The following TMEM135 variants were observed in gnomAD, a reference collection of about 807,000 sequenced individuals.
The protein encoded by TMEM135 is transmembrane protein 135, also known as peroxisomal membrane protein 52.
In TMEM135, 30 loss-of-function variants were observed where a neutral mutation model predicts 60.3. The observed-to-expected ratio is 0.50, with a 90% confidence interval of 0.37 to 0.68. The LOEUF (loss-of-function observed/expected upper bound fraction) is 0.68, where lower values mean the gene tolerates loss of function less well. Ranked by LOEUF, TMEM135 falls within the 30% of genes least tolerant of loss-of-function variation. The probability of loss-of-function intolerance (pLI) is 0.00; values close to 1 mark genes in which losing one functional copy is unlikely to be tolerated. For synonymous variants in TMEM135, 190 were observed against 186.7 expected (o/e 1.02, Z -0.14); for missense variants, 468 against 548.8 (o/e 0.85, Z 1.47).
chr11:87,139,462 T>C (rs935690671), intron 4 of TMEM135, among the ~76,000 whole-genome samples: 3 of 152,200 alleles, frequency 2.0e-5, no homozygotes, highest in African/African-American at 7.2e-5. Context: ...TCCCATGTCC[T>C]AGATCCCAAG....
At chr11:87,086,666 C>G (rs1202161937) in intron 3 of TMEM135, among the ~76,000 whole-genome samples, 2 of 152,012 alleles carry the variant, frequency 1.3e-5, no homozygotes, top group Admixed American at 6.6e-5. Flanking sequence ...ACAAAGACTA[C>G]TCAAAGGTGG....
At chr11:87,148,965 A>G (rs1938483508) in intron 4 of TMEM135, among the ~76,000 whole-genome samples, 1 of 152,138 alleles carries the variant, frequency 6.6e-6, no homozygotes, top group African/African-American at 2.4e-5. Flanking sequence ...CTGAATTTAC[A>G]AAATTTAACA....
chr11:87,314,083 A>G (rs889702176), intron 11 of TMEM135, among the ~76,000 whole-genome samples: 1 of 151,834 alleles, frequency 6.6e-6, no homozygotes, highest in Non-Finnish European at 1.5e-5. Context: ...AGCACTAACC[A>G]TCATTTGAGC....
At chr11:87,246,758 T>G (rs560229792) in intron 6 of TMEM135, among the ~76,000 whole-genome samples, 3 of 125,970 alleles carry the variant, frequency 2.4e-5, no homozygotes, top group Non-Finnish European at 5.2e-5. Flanking sequence ...TTCGTCTAAA[T>G]TTTTTTCAAA....
At chr11:87,090,624 T>C (rs1005581227) in intron 3 of TMEM135, among the ~76,000 whole-genome samples, 1 of 152,150 alleles carries the variant, frequency 6.6e-6, no homozygotes, top group African/African-American at 2.4e-5. Flanking sequence ...TTAAAACCTA[T>C]TGAAGACATT....
At chr11:87,254,101 T>C (rs1941475695) in intron 6 of TMEM135, among the ~76,000 whole-genome samples, 1 of 152,156 alleles carries the variant, frequency 6.6e-6, no homozygotes, top group South Asian at 2.1e-4. Context: ...AAGAAATAAT[T>C]ATGATAAATT....
chr11:87,314,908 T>A (rs2135452427), intron 12 of TMEM135, among the ~76,000 whole-genome samples: 1 of 151,916 alleles, frequency 6.6e-6, no homozygotes, highest in Middle Eastern at 3.4e-3. Flanking sequence ...TAAAGACTCC[T>A]TAAAGAATAA....
intron 5 of TMEM135, among the ~76,000 whole-genome samples, chr11:87,227,321 G>A (rs1940786622): frequency 6.6e-6 from 1 of 151,812 alleles, no homozygotes; most frequent in South Asian, 2.1e-4. Context: ...AAGTATCTTA[G>A]GGATTAATGT....
chr11:87,142,720 C>T (rs965609779), intron 4 of TMEM135, among the ~76,000 whole-genome samples: 3 of 151,284 alleles, frequency 2.0e-5, no homozygotes, highest in African/African-American at 7.3e-5. Context: ...CCTTCTCCCT[C>T]CTTCACCCCT....
intron 7 of TMEM135, among the ~76,000 whole-genome samples, chr11:87,298,416 C>A (rs1386610257): frequency 1.3e-5 from 2 of 152,226 alleles, no homozygotes; most frequent in Admixed American, 6.5e-5. Flanking sequence ...GTCCTTTATC[C>A]ATAAAGGACA....
intron 5 of TMEM135, among the ~76,000 whole-genome samples, chr11:87,228,657 C>T (rs1940819727): frequency 6.6e-6 from 1 of 152,106 alleles, no homozygotes; most frequent in Non-Finnish European, 1.5e-5. Flanking sequence ...GCCACAGGCA[C>T]TGTGATCAGG....
intron 5 of TMEM135, among the ~76,000 whole-genome samples, chr11:87,233,867 A>G (rs987722020): frequency 6.6e-6 from 1 of 152,110 alleles, no homozygotes; most frequent in Non-Finnish European, 1.5e-5. Context: ...TTCAAAATTT[A>G]TCTCAGCTCT....
intron 4 of TMEM135, among the ~76,000 whole-genome samples, chr11:87,113,967 ATTG>A (rs950751555): frequency 6.6e-6 from 1 of 152,024 alleles, no homozygotes; most frequent in Non-Finnish European, 1.5e-5. Context: ...TGCTATTGTC[ATTG>A]TTGTTGTCAC....
intron 4 of TMEM135, among the ~76,000 whole-genome samples, chr11:87,116,823 T>C (rs1346027546): frequency 6.6e-6 from 1 of 151,986 alleles, no homozygotes; most frequent in Non-Finnish European, 1.5e-5. Context: ...CAAAGCATTA[T>C]GGTTTGTTTT....
At chr11:87,273,627 G>A (rs1941912711) in intron 6 of TMEM135, among the ~76,000 whole-genome samples, 1 of 152,062 alleles carries the variant, frequency 6.6e-6, no homozygotes, top group Non-Finnish European at 1.5e-5. Flanking sequence ...GCTGGAGAAG[G>A]GAGAATAAGA....
At chr11:87,128,927 A>C (rs1312173756) in intron 4 of TMEM135, among the ~76,000 whole-genome samples, 1 of 151,962 alleles carries the variant, frequency 6.6e-6, no homozygotes, top group Non-Finnish European at 1.5e-5. Flanking sequence ...GCTTAAGTTG[A>C]TTCTAAGAAA....
intron 6 of TMEM135, among the ~76,000 whole-genome samples, chr11:87,283,599 CT>C (rs10716103): frequency 0.37 from 55,698 of 152,020 alleles, 10,868 homozygotes; most frequent in Non-Finnish European, 0.43. Flanking sequence ...TGGCTCACGC[CT>C]TGTAATGCCA....
chr11:87,235,622 G>C (rs1455300701), intron 5 of TMEM135, among the ~76,000 whole-genome samples: 2 of 151,948 alleles, frequency 1.3e-5, no homozygotes, highest in Non-Finnish European at 2.9e-5. Context: ...ACAATAGAAA[G>C]AAGGTTCATT....
chr11:87,243,392 A>G (rs1165108248), intron 6 of TMEM135, among the ~76,000 whole-genome samples: 1 of 133,260 alleles, frequency 7.5e-6, no homozygotes, highest in Non-Finnish European at 1.6e-5. Context: ...CTGTGAAGAA[A>G]GTCATTGGTA....
Sources: allele counts gnomAD v4.1 joint callset (sites outside exome capture counted in the v4.1 genomes callset), GRCh38; gene constraint gnomAD v4.1.1; transcripts MANE v1.5; gene names NCBI Gene and HGNC (gene_info 2026-07-23, HGNC 2026-07-21).